The following DDX43 variants were observed in gnomAD, a reference collection of about 807,000 sequenced individuals.
DDX43 encodes the protein DEAD-box helicase 43.
Under a neutral mutation model 84.9 loss-of-function variants are expected in DDX43, and 50 were observed. The observed-to-expected ratio is 0.59, with a 90% CI of 0.47 to 0.75. DDX43 has a LOEUF of 0.75. DDX43 is among the 30% of genes least tolerant of loss of function. The pLI, the probability that DDX43 is intolerant of heterozygous loss-of-function variation, is 0.00. For synonymous variants in DDX43, 291 were observed against 266.3 expected (o/e 1.09, Z -0.90); for missense variants, 689 against 798.6 (o/e 0.86, Z 1.65).
At chr6:73,413,947 G>T (rs772472827) in intron 12 of DDX43, 23 bp from the exon 13 acceptor site, 2 of 1,570,584 alleles carry the variant, frequency 1.3e-6, no homozygotes, top group South Asian at 2.2e-5. Flanking sequence ...ACCTAAGAAT[G>T]CTGAGTTTAT....
rs1486100047 is a variant in DDX43 at position 73,397,589 on chromosome 6, TG to T, written c.251-94del. 3 of 921,894 alleles carry T rather than the reference TG, an allele frequency of 3.3e-6. No individual in the cohort carries two copies. In the East Asian group the frequency reaches 8.1e-5, roughly 25 times the overall value. 57.1% of individuals were successfully genotyped at this position (921,894 alleles called of 1,614,324 possible). ...ATGATTGTTGAACCCTAGGAGCATTTGGGGGGAAGAACTAGAGAATGTTTGT... is the reference window on the plus strand; with the variant it reads ...ATGATTGTTGAACCCTAGGAGCATTTGGGGGAAGAACTAGAGAATGTTTGT... On this transcript the variant is annotated intron_variant, in intron 1 of 16. Coordinates refer to ENST00000370336, the MANE Select transcript of DDX43 (RefSeq NM_018665.3).
chr6:73,414,813 C>G (rs963601038), intron 14 of DDX43, 127 bp downstream of exon 14: 1 of 833,130 alleles, frequency 1.2e-6, no homozygotes, highest in African/African-American at 1.7e-5. Context: ...CCAGATTATA[C>G]TTGCTACTTT....
At chr6:73,408,844 A>G (rs1455429870) in intron 9 of DDX43, among the ~76,000 whole-genome samples, 3 of 152,108 alleles carry the variant, frequency 2.0e-5, no homozygotes, top group Non-Finnish European at 4.4e-5. Context: ...GCGTGACCCA[A>G]CACGCCAGGC....
Position 73,413,761 on chromosome 6 carries a change from T to C in DDX43, c.1472T>C (p.Ile491Thr). Residue 491 changes from isoleucine (I) to threonine (T), a missense_variant, in exon 12 of 17, where the codon ATT becomes ACT. Physicochemically the swap from Ile to Thr is moderately conservative, Grantham distance 89. Coordinates refer to ENST00000370336, the MANE Select transcript of DDX43 (RefSeq NM_018665.3). The stretch of plus-strand genomic sequence containing the variant: ...AGTATGTCATCCACAGACAAAGTCA[T>C]TGTCTTCGTTTCTCGAAAAGCTGTG... Reference protein sequence around the residue: ...LQSMSSTDKVIVFVSRKAVAD... With the variant: ...LQSMSSTDKVTVFVSRKAVAD... 1 of 1,613,456 alleles carries C rather than the reference T, an allele frequency of 6.2e-7. No homozygotes were observed.
At chr6:73,410,525 A>G (rs891343721) in intron 10 of DDX43, among the ~76,000 whole-genome samples, 1 of 152,164 alleles carries the variant, frequency 6.6e-6, no homozygotes, top group Non-Finnish European at 1.5e-5. Context: ...GGTCACTTTC[A>G]TTATTTTATA....
chr6:73,415,574 G>A lies in DDX43; in HGVS notation c.1823G>A (p.Arg608Lys). Residue 608 changes from arginine (R) to lysine (K), a missense_variant, in exon 15 of 17, where the codon AGA becomes AAA. Coordinates refer to ENST00000370336, the MANE Select transcript of DDX43 (RefSeq NM_018665.3). Reference sequence around the variant, plus strand: ...TCTGAATTGATTAATATTCTGGAAAGAGCAAATCAGGTGAGACTATGCAAT... The same window carrying A: ...TCTGAATTGATTAATATTCTGGAAAAAGCAAATCAGGTGAGACTATGCAAT... ...VASELINILE[R>K]ANQSIPEELV... 6.2e-7 allele frequency: 1 copy of A among 1,610,044 alleles called. No individual in the cohort carries two copies. The highest frequency in any genetic ancestry group is 8.5e-7 in the Non-Finnish European group (1 of 1,176,804).
chr6:73,411,719 C>T (rs764174072), intron 10 of DDX43, among the ~76,000 whole-genome samples: 7 of 152,074 alleles, frequency 4.6e-5, no homozygotes, highest in East Asian at 3.9e-4. Context: ...ATTTATGAGA[C>T]GGAGTTTCGC....
intron 11 of DDX43, among the ~76,000 whole-genome samples, chr6:73,412,838 C>G (rs995310151): frequency 1.3e-5 from 2 of 152,072 alleles, no homozygotes; most frequent in Non-Finnish European, 2.9e-5. Context: ...TCAAGTGATT[C>G]TTGTGCCTCA....
chr6:73,410,474 G>A (rs538971538), intron 10 of DDX43, among the ~76,000 whole-genome samples: 6 of 152,048 alleles, frequency 3.9e-5, no homozygotes, highest in South Asian at 2.1e-4. Context: ...CAAGAAAAGA[G>A]AACTTAGATT....
In DDX43 at chr6:73,408,113, A is replaced by AAT. The variant is rs775450124; in HGVS notation, c.1179+14_1179+15dup. On this transcript the variant is annotated intron_variant, in intron 9 of 16. Transcript: ENST00000370336. The stretch of plus-strand genomic sequence containing the variant: ...ATATAACCTACTTGGTAATCATGGA[A>AAT]ATAGGGGTTTGAGATGCTGGGTTCA... The AAT allele has an allele frequency of 4.3e-6, 7 of 1,612,860 alleles. No individual in the cohort carries two copies. The highest frequency in any genetic ancestry group is 5.9e-6 in the Non-Finnish European group (7 of 1,179,560).
rs781398896 is a variant in DDX43 at position 73,408,024 on chromosome 6, A to G, written c.1102A>G (p.Ile368Val). The change falls in exon 9 of 17, where the codon ATC becomes GTC. Residue 368 changes from isoleucine (I) to valine (V), a missense_variant. Ile to Val is a conservative substitution (Grantham distance 29, BLOSUM62 3). Around this residue, in one of 2 missense-constraint regions of DDX43, gnomAD observed 552 missense variants for 692.7 expected, o/e 0.80. Transcript: ENST00000370336. ...AGAAGAGCTTAAAAAAGGTGTAGAT[A>G]TCATAATTGCAACTCCCGGAAGATT... ...QIEELKKGVD[I>V]IIATPGRLND... 1.2e-6 allele frequency: 2 copies of G among 1,610,906 alleles called. No individual in the cohort carries two copies. Among genetic ancestry groups the G allele is most frequent in the South Asian group, 2.2e-5 (2 of 90,908 alleles).
At chr6:73,397,783 A>G (rs371462127) in intron 2 of DDX43, 39 bp downstream of exon 2, 57 of 1,569,528 alleles carry the variant, frequency 3.6e-5, no homozygotes, top group Admixed American at 1.3e-4. Context: ...AGAGAGCATC[A>G]TGCATTTCTA....
rs1367427726 is a variant in DDX43 at position 73,405,838 on chromosome 6, A to G, written c.807+3A>G. 2.5e-6 allele frequency: 4 copies of G among 1,612,082 alleles called. No individual in the cohort carries two copies. Among genetic ancestry groups the G allele is most frequent in the Admixed American group, 3.4e-5 (2 of 59,506 alleles). ...TTCAAAAGCCAACACCTATTCAGGT[A>G]TGCTTTCATTAATTACAATATTTCA... On this transcript the variant is annotated splice_donor_region_variant and intron_variant, in intron 6 of 16. Coordinates refer to ENST00000370336, the MANE Select transcript of DDX43 (RefSeq NM_018665.3).
At chr6:73,403,602 ATATT>A (rs1562283797) in intron 4 of DDX43, among the ~76,000 whole-genome samples, 1 of 152,212 alleles carries the variant, frequency 6.6e-6, no homozygotes, top group African/African-American at 2.4e-5. Flanking sequence ...GTGTGGGAGT[ATATT>A]TATCAGTTGT....
intron 10 of DDX43, among the ~76,000 whole-genome samples, 159 bp downstream of exon 10, chr6:73,409,507 G>A (rs547503198): frequency 8.5e-5 from 13 of 152,316 alleles, no homozygotes; most frequent in African/African-American, 2.9e-4. Context: ...GTAACAATAA[G>A]TGCTTATTCA....
rs748922457 is a variant in DDX43, at chr6:73,413,994, A to G, written c.1521A>G (p.Leu507=). The G allele has an allele frequency of 1.2e-6, 2 of 1,611,098 alleles. No individual in the cohort carries two copies. The highest frequency in any genetic ancestry group is 8.5e-7 in the Non-Finnish European group (1 of 1,177,256). ...KAVADHLSSD[L]ILGNISVESL... ...GTGCGGATCACTTATCAAGTGACCT[A>G]ATACTTGGAAATATATCAGTAGAGT... The change falls in exon 13 of 17, where the codon CTA becomes CTG. Residue 507 remains leucine (L), a synonymous_variant. Transcript: ENST00000370336.
chr6:73,409,785 CT>C (rs1245007326), intron 10 of DDX43, among the ~76,000 whole-genome samples: 1 of 152,196 alleles, frequency 6.6e-6, no homozygotes, highest in Non-Finnish European at 1.5e-5. Context: ...AATCCCAGCT[CT>C]TTGGGAGGCC....
chr6:73,409,490 G>C (rs1582639942), intron 10 of DDX43, 142 bp downstream of exon 10: 13 of 695,358 alleles, frequency 1.9e-5, no homozygotes, highest in Admixed American at 2.5e-5. Context: ...ATTGGAAGTA[G>C]AACAGTGTAA....
chr6:73,404,792 G>GT, intron 5 of DDX43, 21 bp downstream of exon 5: 1 of 1,570,300 alleles, frequency 6.4e-7, no homozygotes. Flanking sequence ...TCATTACCTA[G>GT]TTGTGTAAGT....
Sources: gnomAD v4.1 joint callset for allele counts (sites outside exome capture counted in the v4.1 genomes callset) on GRCh38, gnomAD v4.1.1 for gene constraint, gnomAD v4.1.1 regional missense constraint, MANE v1.5 for transcripts, NCBI Gene and HGNC (gene_info 2026-07-23, HGNC 2026-07-21) for gene names.